POLA1: variants seen among roughly 807,000 people sequenced by gnomAD.
POLA1 encodes the protein DNA polymerase alpha 1, catalytic subunit, also known as DNA polymerase alpha catalytic subunit.
A neutral mutation model predicts 124.0 loss-of-function variants in POLA1; 15 were observed. The ratio of observed to expected loss-of-function variants is 0.12; its 90% CI spans 0.08 to 0.19. The LOEUF is 0.19. POLA1 is among the 10% of genes least tolerant of loss of function. The pLI, the probability that POLA1 is intolerant of heterozygous loss-of-function variation, is 1.00. For missense variants in POLA1, 886 were observed against 1,103.4 expected (o/e 0.80, Z 2.79); for synonymous variants, 408 against 389.4 (o/e 1.05, Z -0.56).
intron 26 of POLA1, among the ~76,000 whole-genome samples, chrX:24,766,759 G>C (rs779705296): frequency 9.0e-6 from 1 of 110,832 alleles, no homozygotes; most frequent in Non-Finnish European, 1.9e-5. Flanking sequence ...TTGGAGAGGG[G>C]TGGGAGGATT....
intron 35 of POLA1, among the ~76,000 whole-genome samples, chrX:24,896,734 A>C (rs888790351): frequency 8.9e-6 from 1 of 112,405 alleles, no homozygotes; most frequent in African/African-American, 3.2e-5. Flanking sequence ...GGTTGGGTAC[A>C]GAGAATGACA....
Position 24,748,888 on chromosome X carries a change from G to T in POLA1, c.2860G>T (p.Ala954Ser). 8.3e-7 allele frequency: 1 copy of T among 1,208,980 alleles called. No homozygotes were observed. Among genetic ancestry groups the T allele is most frequent in the Non-Finnish European group, 1.1e-6 (1 of 892,902 alleles). The change falls in exon 26 of 37, where the codon GCT (alanine) becomes TCT (serine). Residue 954 changes from alanine (A) to serine (S), a missense_variant. Physicochemically the swap from Ala to Ser is moderately conservative, Grantham distance 99. Transcript: ENST00000379068. ...CCTGCAGTATGACATTCGACAGAAG[G>T]CTTTGAAGCTCACAGCGAACAGTAT... ...LILQYDIRQK[A>S]LKLTANSMYG...
intron 35 of POLA1, among the ~76,000 whole-genome samples, chrX:24,903,783 A>T (rs2047315267): frequency 1.8e-5 from 2 of 111,233 alleles, no homozygotes; most frequent in Admixed American, 1.9e-4. Context: ...GGTAAGATGG[A>T]GTAAGAATAG....
chrX:24,779,259 A>G (rs1273233562), intron 26 of POLA1, among the ~76,000 whole-genome samples: 1 of 110,831 alleles, frequency 9.0e-6, no homozygotes, highest in African/African-American at 3.3e-5. Context: ...TTATATTTTT[A>G]GTAGAGACGG....
At chrX:24,951,343 A>ACCCCCCCCCC (rs57038936) in intron 36 of POLA1, among the ~76,000 whole-genome samples, 23 of 40,932 alleles carry the variant, frequency 5.6e-4, no homozygotes, top group Non-Finnish European at 8.8e-4. Flanking sequence ...ACACCTCCCT[A>ACCCCCCCCCC]CCCCCCCCCC....
intron 35 of POLA1, among the ~76,000 whole-genome samples, chrX:24,927,397 T>C (rs1398865338): frequency 8.9e-6 from 1 of 112,028 alleles, no homozygotes; most frequent in African/African-American, 3.3e-5. Context: ...TCCCTTCATT[T>C]CTTCAACAAT....
In POLA1 at chrX:24,715,202, A is replaced by T. The variant is rs746954680; in HGVS notation, c.524A>T (p.Glu175Val). 1 of 1,104,008 alleles carries T rather than the reference A, an allele frequency of 9.1e-7. No homozygotes were observed. Among genetic ancestry groups the T allele is most frequent in the South Asian group, 1.8e-5 (1 of 54,365 alleles). The allele number at this position is 1,104,008 out of a possible 1,213,427, so 91.0% of individuals were successfully genotyped here. The change falls in exon 6 of 37, where the codon GAG becomes GTG. Residue 175 changes from glutamate to valine, a missense_variant and splice_region_variant. Glu to Val is a moderately radical substitution (Grantham distance 121). Coordinates refer to ENST00000379068, the MANE Select transcript of POLA1 (RefSeq NM_001330360.2). ...GACATTCTACAGGATCTTAACACTG[A>T]GGTAAATGAATCTCCAGGAGTTGTA... ...LGDILQDLNT[E>V]TPQITPPPVM...
At chrX:24,966,889 A>T (rs2048229835) in intron 36 of POLA1, among the ~76,000 whole-genome samples, 1 of 112,609 alleles carries the variant, frequency 8.9e-6, no homozygotes, top group South Asian at 3.7e-4. Context: ...TATTTTGGAA[A>T]TGATAGGGAA....
chrX:24,942,144 G>T lies in POLA1; in HGVS notation c.4261+11595G>T, dbSNP rs143141415. Among the ~76,000 whole-genome samples, 570 of 111,586 alleles carry T rather than the reference G, an allele frequency of 5.1e-3. 6 individuals are homozygous for T. The highest frequency in any genetic ancestry group is 0.017 in the African/African-American group (535 of 30,744). ...ACCTCTAAATACCTCCTTTTTATAG[G>T]ACTCTACTTTTGTGGAGAACATTCA... On this transcript the variant is annotated intron_variant, in intron 36 of 36. Coordinates refer to ENST00000379068, the MANE Select transcript of POLA1 (RefSeq NM_001330360.2).
In POLA1 at chrX:24,952,541, A is replaced by G. The variant is rs11573493; in HGVS notation, c.4261+21992A>G. 5.1e-4 allele frequency among the ~76,000 whole-genome samples: 57 copies of G among 111,155 alleles called. 2 individuals carry two copies. The East Asian group carries it at 5.9e-3, about 12-fold the overall frequency. On this transcript the variant is annotated intron_variant, in intron 36 of 36. Transcript: ENST00000379068. ...TGCTCAAATGAAAAAAGCAGAAGGG[A>G]AAAAAAAAGCTACTTTTTTGTTCAG...
intron 35 of POLA1, among the ~76,000 whole-genome samples, chrX:24,891,594 A>G (rs1204419229): frequency 1.8e-5 from 2 of 111,546 alleles, no homozygotes; most frequent in Admixed American, 9.6e-5. Context: ...GGGTTTTCCA[A>G]AGTATCTATT....
At chrX:24,980,147 C>T (rs750211482) in intron 36 of POLA1, among the ~76,000 whole-genome samples, 1 of 111,389 alleles carries the variant, frequency 9.0e-6, no homozygotes, top group East Asian at 2.8e-4. Context: ...AGTGTCTATG[C>T]CTTTTCACCT....
intron 35 of POLA1, among the ~76,000 whole-genome samples, chrX:24,911,312 C>G (rs1252055104): frequency 9.0e-6 from 1 of 111,284 alleles, no homozygotes; most frequent in African/African-American, 3.3e-5. Context: ...ACTCAAATAA[C>G]AAGTTTTAAG....
rs1297906041 is a variant in POLA1 at position 24,804,364 on chromosome X, CATA to C, written c.2965-5530_2965-5528del. Among the ~76,000 whole-genome samples the C allele has an allele frequency of 8.1e-5, 9 of 111,513 alleles. No homozygotes were observed. In the South Asian group the frequency reaches 1.5e-3, roughly 19 times the overall value. ...AGGTAATGGTTGGATTATCAAATAT[CATA>C]ATATTTATATTAATATTTCACCTGC... On this transcript the variant is annotated intron_variant, in intron 26 of 36. Transcript: ENST00000379068.
chrX:24,704,203 C>G (rs1928650128), intron 3 of POLA1, among the ~76,000 whole-genome samples, 186 bp from the exon 4 acceptor site: 1 of 112,155 alleles, frequency 8.9e-6, no homozygotes, highest in Non-Finnish European at 1.9e-5. Flanking sequence ...TTGGTTTTGA[C>G]TCCACACCTG....
intron 36 of POLA1, among the ~76,000 whole-genome samples, chrX:24,945,991 A>G (rs1479272302): frequency 8.9e-6 from 1 of 111,932 alleles, no homozygotes; most frequent in Non-Finnish European, 1.9e-5. Flanking sequence ...TGAAGATGAA[A>G]TAAATGCATT....
At chrX:24,935,016 C>T (rs766186599) in intron 36 of POLA1, among the ~76,000 whole-genome samples, 16 of 111,921 alleles carry the variant, frequency 1.4e-4, no homozygotes, top group Admixed American at 9.4e-4. Context: ...CCACCACACC[C>T]GGCCAGGTCT....
At chrX:24,949,647 T>TA (rs1470684527) in intron 36 of POLA1, among the ~76,000 whole-genome samples, 1 of 109,863 alleles carries the variant, frequency 9.1e-6, no homozygotes, top group African/African-American at 3.3e-5. Context: ...GTGTGTTTAT[T>TA]AAAGTAAATC....
intron 34 of POLA1, among the ~76,000 whole-genome samples, chrX:24,863,262 C>CG (rs986248958): frequency 1.0e-4 from 11 of 106,660 alleles, no homozygotes; most frequent in African/African-American, 3.8e-4. Context: ...GAGTATGCCC[C>CG]CCCCCATCTT....
Sources: allele counts gnomAD v4.1 joint callset (sites outside exome capture counted in the v4.1 genomes callset), GRCh38; gene constraint gnomAD v4.1.1; transcripts MANE v1.5; gene names NCBI Gene and HGNC (gene_info 2026-07-23, HGNC 2026-07-21).